The following AGBL4 variants were observed in gnomAD, a reference collection of about 807,000 sequenced individuals.
The protein encoded by AGBL4 is AGBL carboxypeptidase 4, also known as cytosolic carboxypeptidase 6.
A neutral mutation model predicts 66.4 loss-of-function variants in AGBL4; 58 were observed. The ratio of observed to expected loss-of-function variants is 0.87; its 90% CI spans 0.71 to 1.09. The LOEUF (loss-of-function observed/expected upper bound fraction) is 1.09, where lower values mean the gene tolerates loss of function less well. Ranked by LOEUF, AGBL4 falls within the 50% of genes least tolerant of loss-of-function variation. AGBL4 has a pLI of 0.00. For missense variants in AGBL4, 579 were observed against 631.0 expected (o/e 0.92, Z 0.88); for synonymous variants, 234 against 222.9 (o/e 1.05, Z -0.44).
chr1:48,527,175 A>G, the AGBL4 span, among the ~76,000 whole-genome samples: 1 of 152,138 alleles, frequency 6.6e-6, no homozygotes, highest in Non-Finnish European at 1.5e-5. Context: ...TGCTGTAGTT[A>G]CTGAGTGCCT....
At chr1:48,571,732 A>G (rs924320651) in intron 11 of AGBL4, among the ~76,000 whole-genome samples, 1 of 152,222 alleles carries the variant, frequency 6.6e-6, no homozygotes, top group African/African-American at 2.4e-5. Flanking sequence ...AAATTAAAAT[A>G]ACTGGCCCAT....
intron 6 of AGBL4, among the ~76,000 whole-genome samples, chr1:48,690,936 G>A (rs1172390610): frequency 1.3e-5 from 2 of 152,146 alleles, no homozygotes; most frequent in African/African-American, 2.4e-5. Context: ...AAGCCGAGAC[G>A]GGTGGATCAC....
At chr1:49,506,144 C>T (rs998038779) in intron 3 of AGBL4, among the ~76,000 whole-genome samples, 5 of 151,732 alleles carry the variant, frequency 3.3e-5, no homozygotes, top group South Asian at 2.1e-4. Context: ...GAGGGGTCAG[C>T]GAACTTTTTG....
intron 1 of AGBL4, among the ~76,000 whole-genome samples, chr1:50,020,802 T>C (rs74659126): frequency 1.7e-3 from 258 of 152,310 alleles, no homozygotes; most frequent in African/African-American, 5.6e-3. Flanking sequence ...TATAAAGCAC[T>C]TAGTACAATG....
At chr1:48,987,136 AG>A (rs1356429934) in intron 5 of AGBL4, among the ~76,000 whole-genome samples, 2 of 151,984 alleles carry the variant, frequency 1.3e-5, no homozygotes, top group Non-Finnish European at 1.5e-5. Context: ...ATATCCCCAA[AG>A]AAGGAAAAAA....
intron 5 of AGBL4, among the ~76,000 whole-genome samples, chr1:48,910,679 C>T (rs761079578): frequency 9.9e-5 from 15 of 152,002 alleles, no homozygotes; most frequent in Admixed American, 2.0e-4. Context: ...GTAAACTGCC[C>T]GTGGGTGCCC....
At chr1:49,854,744 G>C (rs1470896203) in intron 1 of AGBL4, among the ~76,000 whole-genome samples, 1 of 152,060 alleles carries the variant, frequency 6.6e-6, no homozygotes, top group Non-Finnish European at 1.5e-5. Flanking sequence ...GCCATATAGT[G>C]CCCTAAATCC....
chr1:49,361,524 C>T (rs891857451), intron 3 of AGBL4, among the ~76,000 whole-genome samples: 3 of 152,104 alleles, frequency 2.0e-5, no homozygotes, highest in African/African-American at 7.2e-5. Context: ...CAGAGTTTCA[C>T]CATGTTGTCC....
chr1:49,938,927 C>A (rs193218076), intron 1 of AGBL4, among the ~76,000 whole-genome samples: 1 of 151,906 alleles, frequency 6.6e-6, no homozygotes, highest in South Asian at 2.1e-4. Context: ...TCTTTGCAGA[C>A]GACATGATTG....
At chr1:48,570,246 G>A (rs1569832079) in intron 11 of AGBL4, among the ~76,000 whole-genome samples, 1 of 152,234 alleles carries the variant, frequency 6.6e-6, no homozygotes, top group East Asian at 1.9e-4. Flanking sequence ...GAGGAGTTTA[G>A]GCCAGGTAGA....
At chr1:49,818,372 T>G (rs1290555196) in intron 2 of AGBL4, among the ~76,000 whole-genome samples, 12 of 31,688 alleles carry the variant, frequency 3.8e-4, no homozygotes, top group Non-Finnish European at 6.2e-4. Context: ...TTTTTTTTGT[T>G]TTTTTTTTTT....
At chr1:49,758,543 A>C (rs1481375535) in intron 2 of AGBL4, among the ~76,000 whole-genome samples, 1 of 152,160 alleles carries the variant, frequency 6.6e-6, no homozygotes, top group African/African-American at 2.4e-5. Context: ...CACATGTGAC[A>C]TACAGAGTCA....
At chr1:49,583,838 C>T (rs1228428045) in intron 3 of AGBL4, among the ~76,000 whole-genome samples, 2 of 152,152 alleles carry the variant, frequency 1.3e-5, no homozygotes, top group Non-Finnish European at 2.9e-5. Flanking sequence ...AAAATTAACT[C>T]CGAATCCTAA....
intron 11 of AGBL4, among the ~76,000 whole-genome samples, chr1:48,577,609 G>A (rs948661023): frequency 6.6e-6 from 1 of 152,142 alleles, no homozygotes; most frequent in Non-Finnish European, 1.5e-5. Context: ...GAGACATTCA[G>A]AAATCAGGGG....
At chr1:48,677,657 A>G (rs974349606) in intron 6 of AGBL4, among the ~76,000 whole-genome samples, 2 of 152,182 alleles carry the variant, frequency 1.3e-5, no homozygotes, top group African/African-American at 2.4e-5. Flanking sequence ...GTCTAACTCC[A>G]AAACCCTGCG....
At position 48,534,369 on chromosome 1, in the gene AGBL4, C is replaced by G; in HGVS notation, c.1392-76G>C. 8.1e-6 allele frequency: 12 copies of G among 1,475,226 alleles called. No homozygotes were observed. In the Middle Eastern group the frequency reaches 7.6e-4, roughly 93 times the overall value. The allele number at this position is 1,475,226 out of a possible 1,614,324, so 91.4% of individuals were successfully genotyped here. On this transcript the variant is annotated intron_variant, in intron 13 of 13. Coordinates refer to ENST00000371839, the MANE Select transcript of AGBL4 (RefSeq NM_032785.4). The stretch of plus-strand genomic sequence containing the variant: ...GTGATGAAATCATTTGTGTGCATGT[C>G]TATCTTCCCCACTGGACTGTAGCCT...
chr1:48,807,677 A>C (rs1271424495), intron 6 of AGBL4, among the ~76,000 whole-genome samples: 1 of 152,100 alleles, frequency 6.6e-6, no homozygotes, highest in Non-Finnish European at 1.5e-5. Flanking sequence ...CCTTTTATCC[A>C]GCCAATTTAT....
At chr1:49,477,439 A>G (rs1425499300) in intron 3 of AGBL4, among the ~76,000 whole-genome samples, 3 of 152,240 alleles carry the variant, frequency 2.0e-5, no homozygotes, top group South Asian at 2.1e-4. Context: ...GGTAATCCAG[A>G]AAAGTCTTTT....
chr1:49,545,920 T>A (rs1279264257), intron 3 of AGBL4, among the ~76,000 whole-genome samples: 1 of 152,214 alleles, frequency 6.6e-6, no homozygotes, highest in African/African-American at 2.4e-5. Flanking sequence ...GTACAGGTGG[T>A]AATTGGTTAC....
Sources: gnomAD v4.1 joint callset for allele counts (sites outside exome capture counted in the v4.1 genomes callset) on GRCh38, gnomAD v4.1.1 for gene constraint, MANE v1.5 for transcripts, NCBI Gene and HGNC (gene_info 2026-07-23, HGNC 2026-07-21) for gene names.